XKR4: variants seen among roughly 807,000 people sequenced by gnomAD.
XKR4 encodes XK related 4, also known as XK-related protein 4.
A neutral mutation model predicts 53.9 loss-of-function variants in XKR4; 12 were observed. The ratio of observed to expected loss-of-function variants is 0.22; its 90% confidence interval spans 0.14 to 0.36. XKR4 has a LOEUF of 0.36. Ranked by LOEUF, XKR4 falls within the 10% of genes least tolerant of loss-of-function variation. XKR4 has a pLI of 1.00. For synonymous variants in XKR4, 354 were observed against 362.4 expected (o/e 0.98, Z 0.26); for missense variants, 799 against 859.5 (o/e 0.93, Z 0.88).
chr8:55,292,579 A>G (rs1487824397), intron 1 of XKR4, among the ~76,000 whole-genome samples: 2 of 151,988 alleles, frequency 1.3e-5, no homozygotes, highest in African/African-American at 2.4e-5. Flanking sequence ...AATTTTATTA[A>G]TCTTTTCAAA....
chr8:55,227,870 G>A (rs1047401123), intron 1 of XKR4, among the ~76,000 whole-genome samples: 1 of 152,096 alleles, frequency 6.6e-6, no homozygotes, highest in Non-Finnish European at 1.5e-5. Flanking sequence ...GGCTTTTGTT[G>A]GTTCTCTGTA....
intron 2 of XKR4, among the ~76,000 whole-genome samples, chr8:55,510,807 T>C (rs902294552): frequency 6.6e-6 from 1 of 152,202 alleles, no homozygotes; most frequent in Non-Finnish European, 1.5e-5. Context: ...AGACAGCATG[T>C]AAAGGAGCAT....
In XKR4 at chr8:55,523,523, G is replaced by A. The variant is rs761395206; in HGVS notation, c.1249G>A (p.Val417Ile). 1.2e-6 allele frequency: 2 copies of A among 1,614,136 alleles called. No homozygotes were observed. The highest frequency in any genetic ancestry group is 8.5e-7 in the Non-Finnish European group (1 of 1,180,020). The change falls in exon 3 of 3, where the codon GTC (valine) becomes ATC (isoleucine). Residue 417 changes from valine to isoleucine, a missense_variant. Transcript: ENST00000327381. ...LHWCIMTFWI[V>I]HCETEFCITK... ...CTGGTGCATCATGACCTTCTGGATCGTCCACTGTGAGACAGAATTCTGTAT... is the reference window on the plus strand; with the variant it reads ...CTGGTGCATCATGACCTTCTGGATCATCCACTGTGAGACAGAATTCTGTAT...
At chr8:55,325,996 T>C (rs1429479869) in intron 1 of XKR4, among the ~76,000 whole-genome samples, 1 of 152,200 alleles carries the variant, frequency 6.6e-6, no homozygotes, top group African/African-American at 2.4e-5. Context: ...GCAATAGAGA[T>C]AAGGATGAAG....
chr8:55,483,732 T>A (rs553256671), intron 2 of XKR4, among the ~76,000 whole-genome samples: 1 of 148,828 alleles, frequency 6.7e-6, no homozygotes, highest in Non-Finnish European at 1.5e-5. Context: ...ACTAAATGCA[T>A]CCATTAGAAA....
intron 2 of XKR4, among the ~76,000 whole-genome samples, chr8:55,426,438 C>T (rs1478477952): frequency 6.6e-6 from 1 of 152,074 alleles, no homozygotes; most frequent in East Asian, 1.9e-4. Context: ...GGGTTTGGTG[C>T]CCTTACTGTA....
chr8:55,141,671 C>CTCTCTCTCTCTGTG (rs748708972), intron 1 of XKR4, among the ~76,000 whole-genome samples: 1 of 135,302 alleles, frequency 7.4e-6, no homozygotes, highest in South Asian at 2.8e-4. Flanking sequence ...CTCTCTCTCT[C>CTCTCTCTCTCTGTG]TGTGTGTGTG....
At chr8:55,117,189 G>A (rs1816321899) in intron 1 of XKR4, among the ~76,000 whole-genome samples, 1 of 152,126 alleles carries the variant, frequency 6.6e-6, no homozygotes, top group African/African-American at 2.4e-5. Context: ...ATTGGACATT[G>A]CTGAGCTAGA....
intron 1 of XKR4, among the ~76,000 whole-genome samples, chr8:55,268,025 G>A (rs985895072): frequency 3.3e-5 from 5 of 152,154 alleles, no homozygotes; most frequent in African/African-American, 7.2e-5. Flanking sequence ...AAGATTAAGC[G>A]ATTAATTGAG....
intron 2 of XKR4, among the ~76,000 whole-genome samples, chr8:55,440,941 C>T (rs915708954): frequency 2.6e-5 from 4 of 151,800 alleles, no homozygotes; most frequent in East Asian, 3.9e-4. Flanking sequence ...CAGCTAGTCA[C>T]GGTGGCTCAT....
At chr8:55,334,635 C>A (rs1451409419) in intron 1 of XKR4, among the ~76,000 whole-genome samples, 10 of 152,244 alleles carry the variant, frequency 6.6e-5, no homozygotes, top group Middle Eastern at 3.4e-3. Context: ...TAAAGACCAA[C>A]CTCATATACC....
chr8:55,170,106 A>T (rs899278304), intron 1 of XKR4, among the ~76,000 whole-genome samples: 48 of 152,208 alleles, frequency 3.2e-4, no homozygotes, highest in African/African-American at 1.2e-3. Flanking sequence ...CCAAAAGTTC[A>T]CAGCATGTTC....
At chr8:55,499,484 G>T (rs1439659048) in intron 2 of XKR4, among the ~76,000 whole-genome samples, 23 of 152,118 alleles carry the variant, frequency 1.5e-4, no homozygotes, top group Non-Finnish European at 1.5e-5. Context: ...ATAATGACTG[G>T]CAAATATCTT....
At chr8:55,187,028 A>G (rs1226850728) in intron 1 of XKR4, among the ~76,000 whole-genome samples, 1 of 152,060 alleles carries the variant, frequency 6.6e-6, no homozygotes, top group African/African-American at 2.4e-5. Flanking sequence ...CCTAATCCAC[A>G]GAGAATATTT....
At chr8:55,351,919 T>G (rs1442412366) in intron 1 of XKR4, among the ~76,000 whole-genome samples, 1 of 152,200 alleles carries the variant, frequency 6.6e-6, no homozygotes, top group Admixed American at 6.5e-5. Context: ...AACATAAAAT[T>G]GCAAATATTG....
rs141459853 is a variant in XKR4 at position 55,416,645 on chromosome 8, GT to G, written c.1006+58769del. 4.1e-3 allele frequency among the ~76,000 whole-genome samples: 622 copies of G among 152,334 alleles called. 7 individuals are homozygous for G. The highest frequency in any genetic ancestry group is 0.014 in the African/African-American group (587 of 41,574). ...TGGCTGGAGGATCACAAGCAGGGGG[GT>G]GAAAAGAAGAGGACGATGGCAGGGG... On this transcript the variant is annotated intron_variant, in intron 2 of 2. Transcript: ENST00000327381.
chr8:55,411,733 C>A (rs986077827), intron 2 of XKR4, among the ~76,000 whole-genome samples: 1 of 152,100 alleles, frequency 6.6e-6, no homozygotes, highest in Non-Finnish European at 1.5e-5. Context: ...GTGGAATTCG[C>A]GAGAGTGCCT....
Position 55,409,773 on chromosome 8 carries a change from T to C in XKR4, c.1006+51896T>C, listed in dbSNP as rs973052304. 3.3e-5 allele frequency among the ~76,000 whole-genome samples: 5 copies of C among 152,192 alleles called. No individual in the cohort carries two copies. In the East Asian group the frequency reaches 9.6e-4, roughly 29 times the overall value. ...TAAAAATCTATGGCCCTAGGATCTC[T>C]TTTTAAAAAACCTATAGGAGAAAAT... On this transcript the variant is annotated intron_variant, in intron 2 of 2. Transcript: ENST00000327381.
chr8:55,504,382 T>C (rs1806493628), intron 2 of XKR4, among the ~76,000 whole-genome samples: 1 of 150,816 alleles, frequency 6.6e-6, no homozygotes, highest in South Asian at 2.1e-4. Flanking sequence ...CTGGCTAATT[T>C]TTTTTTTTTT....
Sources: allele counts gnomAD v4.1 joint callset (sites outside exome capture counted in the v4.1 genomes callset), GRCh38; gene constraint gnomAD v4.1.1; transcripts MANE v1.5; gene names NCBI Gene and HGNC (gene_info 2026-07-23, HGNC 2026-07-21).